The following PDE1C variants were observed in gnomAD, a reference collection of about 807,000 sequenced individuals.
PDE1C encodes dual specificity calcium/calmodulin-dependent 3',5'-cyclic nucleotide phosphodiesterase 1C.
In PDE1C, 62 loss-of-function variants were observed where a neutral mutation model predicts 93.1. The ratio of observed to expected loss-of-function variants is 0.67; its 90% CI spans 0.54 to 0.82. The LOEUF (loss-of-function observed/expected upper bound fraction) is 0.82. Ranked by LOEUF, PDE1C falls within the 40% of genes least tolerant of loss-of-function variation. The pLI, the probability that PDE1C is intolerant of heterozygous loss-of-function variation, is 0.00. For synonymous variants in PDE1C, 325 were observed against 310.1 expected (o/e 1.05, Z -0.50); for missense variants, 742 against 884.6 (o/e 0.84, Z 2.04).
At chr7:31,926,481 G>A (rs999884481) in intron 2 of PDE1C, among the ~76,000 whole-genome samples, 2 of 152,210 alleles carry the variant, frequency 1.3e-5, no homozygotes, top group African/African-American at 4.8e-5. Context: ...ATAGAACCAT[G>A]TTAGAAAACT....
At chr7:31,928,006 A>G (rs928100605) in intron 2 of PDE1C, among the ~76,000 whole-genome samples, 2 of 152,138 alleles carry the variant, frequency 1.3e-5, no homozygotes, top group Admixed American at 6.5e-5. Flanking sequence ...CTAAAGGAGC[A>G]TGTTCTAACC....
At chr7:31,856,427 T>C (rs557806369) in intron 7 of PDE1C, among the ~76,000 whole-genome samples, 1 of 152,330 alleles carries the variant, frequency 6.6e-6, no homozygotes, top group South Asian at 2.1e-4. Flanking sequence ...TAAGAAAGCA[T>C]GCAGTAAATC....
intron 17 of PDE1C, among the ~76,000 whole-genome samples, chr7:31,766,942 G>A (rs1367783701): frequency 6.6e-6 from 1 of 152,154 alleles, no homozygotes; most frequent in Non-Finnish European, 1.5e-5. Flanking sequence ...CAAACCTAAT[G>A]TATGGCAAAA....
Position 32,312,151 on chromosome 7 carries a change from T to C in PDE1C, c.311-102612A>G, listed in dbSNP as rs909884262. ...GCCAAATCATGAGTGAACTCCCATT[T>C]ACAATTGCTTCAAAGAGAATAAAAT... is the stretch of plus-strand genomic sequence containing the variant. On this transcript the variant is annotated intron_variant, in intron 1 of 1. Coordinates refer to the PDE1C transcript ENST00000672256. Among the ~76,000 whole-genome samples the C allele has an allele frequency of 2.4e-4, 37 of 151,914 alleles. 1 individual carries two copies. The highest frequency in any genetic ancestry group is 5.3e-4 in the Admixed American group (8 of 15,232).
At position 31,755,511 on chromosome 7, in the gene PDE1C, G is replaced by A. The variant is rs374209613; in HGVS notation, c.1961-1958C>T. Among the ~76,000 whole-genome samples, 10 of 151,868 alleles carry A rather than the reference G, an allele frequency of 6.6e-5. No individual in the cohort carries two copies. In the East Asian group the frequency reaches 9.7e-4, roughly 15 times the overall value. ...GCAGAAATGACTGATTCCAGAACTCGGACACAAAATATACAAGAAGTACCT... is the reference window on the plus strand; with the variant it reads ...GCAGAAATGACTGATTCCAGAACTCAGACACAAAATATACAAGAAGTACCT... On this transcript the variant is annotated intron_variant, in intron 17 of 17. Coordinates refer to ENST00000396191, the MANE Select transcript of PDE1C (RefSeq NM_001191057.4).
chr7:32,163,048 T>A (rs543110843), intron 3 of PDE1C, among the ~76,000 whole-genome samples: 17 of 152,334 alleles, frequency 1.1e-4, no homozygotes, highest in African/African-American at 4.1e-4. Flanking sequence ...ATTCTTTCAT[T>A]TTTCCCCTTG....
intron 17 of PDE1C, among the ~76,000 whole-genome samples, chr7:31,773,401 G>A (rs1251862824): frequency 6.6e-6 from 1 of 152,044 alleles, no homozygotes. Context: ...GGACAGCTCT[G>A]CATATTCTTG....
chr7:32,095,801 A>G (rs934652164), intron 3 of PDE1C, among the ~76,000 whole-genome samples: 15 of 152,166 alleles, frequency 9.9e-5, no homozygotes, highest in Non-Finnish European at 1.5e-4. Context: ...TATACTGTCC[A>G]GGCCTTTACC....
chr7:32,346,017 T>C (rs187706434), intron 1 of PDE1C, among the ~76,000 whole-genome samples: 2 of 152,202 alleles, frequency 1.3e-5, no homozygotes, highest in African/African-American at 4.8e-5. Flanking sequence ...AAAACTTACA[T>C]CCACATGAAG....
chr7:31,945,997 C>A (rs1023934971), intron 2 of PDE1C, among the ~76,000 whole-genome samples: 15 of 152,122 alleles, frequency 9.9e-5, no homozygotes, highest in African/African-American at 3.6e-4. Flanking sequence ...TTACTGTATT[C>A]TTTATTTCTA....
the PDE1C span, among the ~76,000 whole-genome samples, chr7:31,698,635 T>C: frequency 2.9e-4 from 44 of 152,324 alleles, no homozygotes; most frequent in Admixed American, 1.2e-3. Flanking sequence ...ATTTACTGAG[T>C]ACTTGTCACA....
intron 2 of PDE1C, among the ~76,000 whole-genome samples, chr7:31,901,630 C>T (rs976402989): frequency 1.5e-4 from 22 of 150,910 alleles, no homozygotes; most frequent in Non-Finnish European, 2.2e-4. Flanking sequence ...ACATAGAAGG[C>T]TAAACTTTTA....
intron 17 of PDE1C, among the ~76,000 whole-genome samples, chr7:31,758,486 T>C (rs1211243188): frequency 1.3e-5 from 2 of 152,206 alleles, no homozygotes; most frequent in East Asian, 1.9e-4. Context: ...CCTGCCTTTA[T>C]AGGGCTTCCA....
the PDE1C span, chr7:31,643,068 G>A: frequency 3.1e-6 from 5 of 1,613,868 alleles, no homozygotes; most frequent in East Asian, 4.5e-5. Flanking sequence ...ATCATCCTCT[G>A]GGGTTTATGG....
At chr7:32,010,654 C>A (rs956551081) in intron 2 of PDE1C, among the ~76,000 whole-genome samples, 8 of 152,166 alleles carry the variant, frequency 5.3e-5, no homozygotes, top group Non-Finnish European at 8.8e-5. Flanking sequence ...TATTGTCTTA[C>A]AATTATGGAG....
chr7:32,203,137 A>G (rs965888107), intron 2 of PDE1C, among the ~76,000 whole-genome samples: 9 of 151,988 alleles, frequency 5.9e-5, no homozygotes, highest in African/African-American at 1.9e-4. Flanking sequence ...CAAACGTAGT[A>G]CATGCCCCCG....
chr7:31,619,688 C>T, the PDE1C span, among the ~76,000 whole-genome samples: 31 of 152,178 alleles, frequency 2.0e-4, no homozygotes, highest in South Asian at 2.1e-4. Context: ...ACGCAGAAGA[C>T]GGGTGATTTC....
At chr7:32,168,576 C>T (rs1802448926) in intron 3 of PDE1C, among the ~76,000 whole-genome samples, 1 of 152,198 alleles carries the variant, frequency 6.6e-6, no homozygotes, top group South Asian at 2.1e-4. Flanking sequence ...TCTTTCACCA[C>T]AGTCACTTGC....
chr7:31,781,897 G>A (rs1452192880), intron 16 of PDE1C, among the ~76,000 whole-genome samples: 2 of 151,960 alleles, frequency 1.3e-5, no homozygotes, highest in Admixed American at 6.6e-5. Flanking sequence ...AACACCACAA[G>A]CTATTTAAAT....
Sources: allele counts gnomAD v4.1 joint callset (sites outside exome capture counted in the v4.1 genomes callset), GRCh38; gene constraint gnomAD v4.1.1; transcripts MANE v1.5; gene names NCBI Gene and HGNC (gene_info 2026-07-23, HGNC 2026-07-21).